Variants in RHEX observed in about 807,000 individuals in gnomAD.
The protein encoded by RHEX is regulator of hemoglobinization and erythroid cell expansion, also known as regulator of hemoglobinization and erythroid cell expansion protein.
In RHEX, 18 loss-of-function variants were observed where a neutral mutation model predicts 20.1. The ratio of observed to expected loss-of-function variants is 0.90; its 90% CI spans 0.62 to 1.33. The LOEUF (loss-of-function observed/expected upper bound fraction) is 1.33. Among genes scored for constraint, RHEX ranks in the 40% most tolerant of loss-of-function variants. RHEX has a pLI of 0.00. For synonymous variants in RHEX, 87 were observed against 77.1 expected (o/e 1.13, Z -0.67); for missense variants, 192 against 214.3 (o/e 0.90, Z 0.65).
chr1:206,056,054 A>G (rs1210032045), intron 1 of RHEX, among the ~76,000 whole-genome samples: 3 of 152,280 alleles, frequency 2.0e-5, no homozygotes, highest in Non-Finnish European at 4.4e-5. Flanking sequence ...CTAGCTAGAT[A>G]CCAAAGCTTG....
At chr1:206,060,256 A>G (rs1347202822) in intron 1 of RHEX, 2 of 151,948 alleles carry the variant, frequency 1.3e-5, no homozygotes, top group Non-Finnish European at 1.5e-5. Context: ...AAACAAGATA[A>G]TGAATGTGCC....
intron 1 of RHEX, among the ~76,000 whole-genome samples, chr1:206,082,778 A>T (rs2102320165): frequency 6.6e-6 from 1 of 152,288 alleles, no homozygotes; most frequent in South Asian, 2.1e-4. Flanking sequence ...CTCAGAAGCT[A>T]TTACTCAAAT....
At chr1:206,069,440 C>T (rs984599915) in intron 1 of RHEX, among the ~76,000 whole-genome samples, 4 of 152,240 alleles carry the variant, frequency 2.6e-5, no homozygotes, top group African/African-American at 7.2e-5. Context: ...CCTCCCTCAA[C>T]GTCCCGAGCC....
intron 1 of RHEX, among the ~76,000 whole-genome samples, chr1:206,065,639 T>C (rs1553284103): frequency 6.6e-6 from 1 of 152,166 alleles, no homozygotes. Context: ...ATGGGCATGA[T>C]AGTTAGAGGT....
intron 1 of RHEX, among the ~76,000 whole-genome samples, chr1:206,054,661 G>T (rs920186040): frequency 2.0e-5 from 3 of 152,174 alleles, no homozygotes; most frequent in Non-Finnish European, 4.4e-5. Flanking sequence ...AATTATAAAA[G>T]GTTAAAAAGA....
At position 206,067,708 on chromosome 1, in the gene RHEX, C is replaced by CAGTG. The variant is rs1553284292; in HGVS notation, c.-97+14443_-97+14444insAGTG. On this transcript the variant is annotated intron_variant, in intron 1 of 5. Transcript: ENST00000331555. The surrounding 1 kb of genome is among the most constrained non-coding windows in gnomAD (Gnocchi z 4.6). The stretch of plus-strand genomic sequence containing the variant: ...ACAGCACAACCTCATTCTGCACATA[C>CAGTG]CCCCTCCAGTACAACCCTAGAAAAC... 1.3e-5 allele frequency among the ~76,000 whole-genome samples: 2 copies of CAGTG among 151,836 alleles called. No individual in the cohort carries two copies. The highest frequency in any genetic ancestry group is 4.9e-5 in the African/African-American group (2 of 41,118).
At chr1:206,093,880 T>C (rs781803260) in intron 1 of RHEX, among the ~76,000 whole-genome samples, 1 of 152,120 alleles carries the variant, frequency 6.6e-6, no homozygotes, top group Non-Finnish European at 1.5e-5. Context: ...GGTTTTACTC[T>C]GTCACCCAGG....
chr1:206,054,150 G>A (rs1047172681), intron 1 of RHEX, among the ~76,000 whole-genome samples: 4 of 149,420 alleles, frequency 2.7e-5, no homozygotes, highest in Non-Finnish European at 4.4e-5. Context: ...AGTGGGGGGA[G>A]ACAGAATTTA....
chr1:206,095,401 A>G (rs781921798), intron 1 of RHEX, among the ~76,000 whole-genome samples: 1 of 152,112 alleles, frequency 6.6e-6, no homozygotes, highest in African/African-American at 2.4e-5. Flanking sequence ...ATAGCTAACA[A>G]TCTGTATGAT....
intron 1 of RHEX, among the ~76,000 whole-genome samples, chr1:206,090,962 G>A (rs1662938383): frequency 6.6e-6 from 1 of 152,120 alleles, no homozygotes; most frequent in Non-Finnish European, 1.5e-5. Flanking sequence ...ATTTCTAGGT[G>A]TAAAATCATA....
At chr1:206,053,835 C>T (rs1193545042) in intron 1 of RHEX, among the ~76,000 whole-genome samples, 8 of 152,176 alleles carry the variant, frequency 5.3e-5, no homozygotes, top group Non-Finnish European at 1.0e-4. Context: ...GCCCCGCCAA[C>T]GTAGTTAAGA....
At chr1:206,064,877 C>T (rs936001192) in intron 1 of RHEX, among the ~76,000 whole-genome samples, 3 of 147,924 alleles carry the variant, frequency 2.0e-5, no homozygotes, top group Non-Finnish European at 2.9e-5. Flanking sequence ...GGATGGTTGC[C>T]GTGTCTGTGT....
chr1:206,090,202 CTTTTTTT>C (rs59499927), intron 1 of RHEX, among the ~76,000 whole-genome samples: 1 of 112,590 alleles, frequency 8.9e-6, no homozygotes, highest in Non-Finnish European at 1.8e-5. Flanking sequence ...TCTTTTCTTT[CTTTTTTT>C]TTTTTTTTTT....
chr1:206,070,670 G>T (rs1662507986), intron 1 of RHEX, among the ~76,000 whole-genome samples: 1 of 152,156 alleles, frequency 6.6e-6, no homozygotes, highest in African/African-American at 2.4e-5. Context: ...ATTTAGAATT[G>T]CTGGCGCCTG....
chr1:206,093,865 G>C (rs1663010462), intron 1 of RHEX, among the ~76,000 whole-genome samples: 1 of 152,054 alleles, frequency 6.6e-6, no homozygotes, highest in Non-Finnish European at 1.5e-5. Context: ...GGGGAGGAGG[G>C]ACAGGGTTTT....
chr1:206,054,456 C>T (rs1571846546), intron 1 of RHEX, among the ~76,000 whole-genome samples: 1 of 150,966 alleles, frequency 6.6e-6, no homozygotes, highest in East Asian at 1.9e-4. Flanking sequence ...GGATTTTTAC[C>T]TACATTAAAA....
At chr1:206,058,223 T>G (rs1553282859) in intron 1 of RHEX, among the ~76,000 whole-genome samples, 1 of 152,236 alleles carries the variant, frequency 6.6e-6, no homozygotes, top group Non-Finnish European at 1.5e-5. Flanking sequence ...ATAATAGTAA[T>G]AGGAACCTGC....
chr1:206,101,708 C>A (rs1050837030), intron 5 of RHEX, 44 bp from the exon 6 acceptor site: 19 of 1,462,550 alleles, frequency 1.3e-5, no homozygotes, highest in Admixed American at 7.3e-5. Context: ...TTCCCCCAAA[C>A]GTGGTAGGGA....
intron 1 of RHEX, among the ~76,000 whole-genome samples, chr1:206,092,927 T>A (rs914460052): frequency 6.6e-6 from 1 of 152,228 alleles, no homozygotes; most frequent in Admixed American, 6.5e-5. Context: ...CTTTTCGCCT[T>A]ACTTCACCCC....
Sources: gnomAD v4.1 joint callset for allele counts (sites outside exome capture counted in the v4.1 genomes callset) on GRCh38, gnomAD v4.1.1 for gene constraint, Gnocchi (gnomAD v3.1) non-coding constraint, MANE v1.5 for transcripts, NCBI Gene and HGNC (gene_info 2026-07-23, HGNC 2026-07-21) for gene names.